HMBOX1: variants seen among roughly 807,000 people sequenced by gnomAD.
HMBOX1 encodes homeobox-containing protein 1.
In HMBOX1, 14 loss-of-function variants were observed where a neutral mutation model predicts 54.5. The ratio of observed to expected loss-of-function variants is 0.26; its 90% CI spans 0.17 to 0.40. The LOEUF (loss-of-function observed/expected upper bound fraction) is 0.40. Among genes scored for constraint, HMBOX1 ranks in the 10% least tolerant of loss-of-function variants. The pLI is 1.00. For missense variants in HMBOX1, 332 were observed against 514.4 expected (o/e 0.65, Z 3.43); for synonymous variants, 160 against 181.0 (o/e 0.88, Z 0.93).
In HMBOX1 at chr8:28,970,981, GACACACACACACACACACACACAC is replaced by G. The variant is rs10554708; in HGVS notation, c.500+488_500+511del. Among the ~76,000 whole-genome samples, 10 of 132,046 alleles carry G rather than the reference GACACACACACACACACACACACAC, an allele frequency of 7.6e-5. No homozygotes were observed. The highest frequency in any genetic ancestry group is 2.3e-4 in the East Asian group (1 of 4,444). 86.6% of individuals were successfully genotyped at this position (132,046 alleles called of 152,430 possible). ...ATAGGTTCTAATTTTAGCAATAGAT[GACACACACACACACACACACACAC>G]ACACACACACACACACACACACACA... On this transcript the variant is annotated intron_variant, in intron 3 of 9. Transcript: ENST00000287701. The surrounding 1 kb of genome is among the most constrained non-coding windows in gnomAD (Gnocchi z 4.3).
chr8:28,939,798 C>T (rs1267670421), intron 1 of HMBOX1, among the ~76,000 whole-genome samples: 1 of 152,010 alleles, frequency 6.6e-6, no homozygotes, highest in African/African-American at 2.4e-5. Context: ...GCGTCAGCCA[C>T]CGTGCCCGGC....
chr8:28,987,480 A>C (rs1028332803), intron 4 of HMBOX1, among the ~76,000 whole-genome samples: 1 of 152,216 alleles, frequency 6.6e-6, no homozygotes, highest in African/African-American at 2.4e-5. Flanking sequence ...ATTCAGCTGT[A>C]GTCTGTTAGT....
chr8:28,893,743 G>A (rs930029043), intron 1 of HMBOX1, among the ~76,000 whole-genome samples: 1 of 152,156 alleles, frequency 6.6e-6, no homozygotes, highest in African/African-American at 2.4e-5. Context: ...TGTGGCAAGT[G>A]TTGATTGGAA....
At chr8:28,911,280 A>G (rs1759897015) in intron 1 of HMBOX1, among the ~76,000 whole-genome samples, 1 of 152,238 alleles carries the variant, frequency 6.6e-6, no homozygotes, top group African/African-American at 2.4e-5. Context: ...GGCAGAAACC[A>G]GTCAGAGCCA....
intron 1 of HMBOX1, among the ~76,000 whole-genome samples, chr8:28,904,312 A>C (rs1813828479): frequency 6.6e-6 from 1 of 150,384 alleles, no homozygotes; most frequent in Admixed American, 6.6e-5. Flanking sequence ...CAGTGGTGCA[A>C]TCTTGGCTCA....
intron 4 of HMBOX1, among the ~76,000 whole-genome samples, chr8:29,005,399 A>G (rs1833307084): frequency 6.6e-6 from 1 of 152,222 alleles, no homozygotes; most frequent in African/African-American, 2.4e-5. Flanking sequence ...CATATTATAT[A>G]TCTTTAGTTA....
At chr8:28,934,150 C>T (rs757926099) in intron 1 of HMBOX1, among the ~76,000 whole-genome samples, 6 of 152,036 alleles carry the variant, frequency 3.9e-5, no homozygotes, top group Non-Finnish European at 8.8e-5. Context: ...GTTTGTATAT[C>T]AAAAAATGTA....
chr8:29,033,056 G>A (rs1430414698), intron 6 of HMBOX1, among the ~76,000 whole-genome samples: 1 of 151,954 alleles, frequency 6.6e-6, no homozygotes, highest in African/African-American at 2.4e-5. Context: ...AACATTTTGT[G>A]GGAGCAGAGT....
chr8:28,990,959 T>C (rs1830896132), intron 4 of HMBOX1, among the ~76,000 whole-genome samples: 1 of 152,194 alleles, frequency 6.6e-6, no homozygotes, highest in African/African-American at 2.4e-5. Context: ...CGGCTCTTTC[T>C]AGTCTTACAA....
At chr8:28,940,910 T>C (rs989943401) in intron 1 of HMBOX1, among the ~76,000 whole-genome samples, 1 of 152,250 alleles carries the variant, frequency 6.6e-6, no homozygotes, top group African/African-American at 2.4e-5. Flanking sequence ...ATACAAAGTA[T>C]AATACTAATA....
chr8:29,045,872 G>T (rs933148842), intron 7 of HMBOX1, among the ~76,000 whole-genome samples: 18 of 152,146 alleles, frequency 1.2e-4, no homozygotes, highest in African/African-American at 3.9e-4. Context: ...TTTGGGGAAA[G>T]AATTCTTTTT....
intron 1 of HMBOX1, among the ~76,000 whole-genome samples, chr8:28,904,864 A>G (rs1425934661): frequency 6.6e-6 from 1 of 151,974 alleles, no homozygotes; most frequent in African/African-American, 2.4e-5. Context: ...TTTAGTAGAG[A>G]CAGGGTTTCA....
At chr8:29,042,773 C>T (rs1210856580) in intron 6 of HMBOX1, 1 of 447,094 alleles carries the variant, frequency 2.2e-6, no homozygotes, top group Non-Finnish European at 4.5e-6. Context: ...AGGGAAGTTG[C>T]TGATTTCGCA....
At chr8:28,914,775 A>G (rs767529608) in intron 1 of HMBOX1, among the ~76,000 whole-genome samples, 1 of 152,222 alleles carries the variant, frequency 6.6e-6, no homozygotes, top group Non-Finnish European at 1.5e-5. Context: ...GTTAGAATAT[A>G]TTCTACTTTA....
chr8:28,900,278 A>G lies in HMBOX1; in HGVS notation c.-58+9600A>G, dbSNP rs1813001574. Reference sequence around the variant, plus strand: ...TCAAAAAAAAAAAAAAAAAATATATATATATATATATATTTTGTTTCCTGA... The same window carrying G: ...TCAAAAAAAAAAAAAAAAAATATATGTATATATATATATTTTGTTTCCTGA... On this transcript the variant is annotated intron_variant, in intron 1 of 9. Transcript: ENST00000287701. Among the ~76,000 whole-genome samples the G allele has an allele frequency of 2.1e-5, 3 of 141,758 alleles. No homozygotes were observed. The South Asian group carries it at 6.7e-4, about 32-fold the overall frequency. 93.0% of individuals were successfully genotyped at this position (141,758 alleles called of 152,430 possible).
chr8:29,022,908 A>G (rs1801418407), intron 6 of HMBOX1, among the ~76,000 whole-genome samples: 1 of 152,162 alleles, frequency 6.6e-6, no homozygotes, highest in Non-Finnish European at 1.5e-5. Flanking sequence ...TTTAAAAAAT[A>G]ACTAAAATTA....
At position 28,927,736 on chromosome 8, in the gene HMBOX1, A is replaced by C. The variant is rs560551929; in HGVS notation, c.-57-36075A>C. ...ATATGTACCCACTGGAACAACTTTT[A>C]TAAAAAACTACTACTCATTTTGGGA... is the stretch of plus-strand genomic sequence containing the variant. On this transcript the variant is annotated intron_variant, in intron 1 of 9. Transcript: ENST00000287701. 5.7e-4 allele frequency among the ~76,000 whole-genome samples: 86 copies of C among 151,178 alleles called. 1 individual carries two copies. Among genetic ancestry groups the C allele is most frequent in the African/African-American group, 2.0e-3 (81 of 41,172 alleles).
At chr8:28,997,741 G>T (rs376960411) in intron 4 of HMBOX1, among the ~76,000 whole-genome samples, 1 of 151,998 alleles carries the variant, frequency 6.6e-6, no homozygotes, top group Non-Finnish European at 1.5e-5. Flanking sequence ...TGCAGAGATG[G>T]TGTCTTCCTA....
chr8:28,967,719 T>G (rs1247423076), intron 2 of HMBOX1, among the ~76,000 whole-genome samples: 1 of 152,220 alleles, frequency 6.6e-6, no homozygotes, highest in East Asian at 1.9e-4. Context: ...TAATAATGTT[T>G]ATGTTTAATT....
Sources: gnomAD v4.1 joint callset for allele counts (sites outside exome capture counted in the v4.1 genomes callset) on GRCh38, gnomAD v4.1.1 for gene constraint, Gnocchi (gnomAD v3.1) non-coding constraint, MANE v1.5 for transcripts, NCBI Gene and HGNC (gene_info 2026-07-23, HGNC 2026-07-21) for gene names.